The following SLCO3A1 variants were observed in gnomAD, a reference collection of about 807,000 sequenced individuals.
SLCO3A1 encodes the protein PGE1 transporter.
A neutral mutation model predicts 63.1 loss-of-function variants in SLCO3A1; 27 were observed. The observed-to-expected ratio is 0.43, with a 90% CI of 0.32 to 0.59. The LOEUF (loss-of-function observed/expected upper bound fraction) is 0.59, where lower values mean the gene tolerates loss of function less well. Among genes scored for constraint, SLCO3A1 ranks in the 20% least tolerant of loss-of-function variants. The probability of loss-of-function intolerance (pLI) is 0.09; values close to 1 mark genes in which losing one functional copy is unlikely to be tolerated. For missense variants in SLCO3A1, 773 were observed against 945.8 expected, an observed-to-expected ratio of 0.82 and a Z score of 2.40; for synonymous variants, 473 against 409.9, an observed-to-expected ratio of 1.15 and a Z score of -1.86.
intron 2 of SLCO3A1, among the ~76,000 whole-genome samples, chr15:91,951,403 T>C (rs935430273): frequency 6.6e-6 from 1 of 152,256 alleles, no homozygotes; most frequent in Non-Finnish European, 1.5e-5. Context: ...CATTCCTTTT[T>C]ATGGCTTAAT....
At chr15:91,935,649 G>A (rs1597136022) in intron 2 of SLCO3A1, among the ~76,000 whole-genome samples, 1 of 152,352 alleles carries the variant, frequency 6.6e-6, no homozygotes, top group African/African-American at 2.4e-5. Flanking sequence ...GGTAGACTCT[G>A]GAGTGGTGAG....
intron 9 of SLCO3A1, among the ~76,000 whole-genome samples, chr15:92,153,964 T>A (rs1334953843): frequency 6.6e-6 from 1 of 151,944 alleles, no homozygotes; most frequent in African/African-American, 2.4e-5. Context: ...CTTGGGAGGG[T>A]GAGGCAGAAG....
chr15:91,923,632 C>G (rs996197010), intron 2 of SLCO3A1, among the ~76,000 whole-genome samples: 3 of 152,062 alleles, frequency 2.0e-5, no homozygotes, highest in African/African-American at 7.2e-5. Context: ...TTTTAAATAA[C>G]GTATTCTTAT....
At chr15:91,908,276 A>T (rs1489618202) in intron 1 of SLCO3A1, among the ~76,000 whole-genome samples, 1 of 146,112 alleles carries the variant, frequency 6.8e-6, no homozygotes, top group Non-Finnish European at 1.5e-5. Flanking sequence ...TGTGTCTATG[A>T]GATTCTCCAT....
rs1336967798 is a variant in SLCO3A1 at position 92,164,350 on chromosome 15, G to A, written c.*1215G>A. 3.0e-6 allele frequency: 3 copies of A among 985,214 alleles called. No homozygotes were observed. In the African/African-American group the frequency reaches 5.2e-5, roughly 17 times the overall value. 61.0% of individuals were successfully genotyped at this position (985,214 alleles called of 1,614,324 possible). On this transcript the variant is annotated 3_prime_UTR_variant, in exon 10 of 10. Transcript: ENST00000318445. ...GCTTCAAAAAGAGAGTGTATATGCAGCCTGCCTTTAAAAGAATCACATTTG... is the reference window on the plus strand; with the variant it reads ...GCTTCAAAAAGAGAGTGTATATGCAACCTGCCTTTAAAAGAATCACATTTG...
chr15:91,876,394 A>T (rs992476419), intron 1 of SLCO3A1, among the ~76,000 whole-genome samples: 1 of 152,238 alleles, frequency 6.6e-6, no homozygotes, highest in African/African-American at 2.4e-5. Flanking sequence ...AAGGGCACCA[A>T]CGCAGACTGC....
At chr15:92,157,935 G>C (rs1345597681) in intron 9 of SLCO3A1, among the ~76,000 whole-genome samples, 1 of 152,126 alleles carries the variant, frequency 6.6e-6, no homozygotes, top group Non-Finnish European at 1.5e-5. Flanking sequence ...GTTCCCAAGT[G>C]GCGGAATTAG....
intron 1 of SLCO3A1, among the ~76,000 whole-genome samples, chr15:91,876,293 A>G (rs1296142198): frequency 6.6e-6 from 1 of 152,258 alleles, no homozygotes; most frequent in Non-Finnish European, 1.5e-5. Context: ...TCAGGTACAC[A>G]TAGCGGATGC....
Position 91,942,271 on chromosome 15 carries a change from G to A in SLCO3A1, c.646+25813G>A, listed in dbSNP as rs1899647670. On this transcript the variant is annotated intron_variant, in intron 2 of 9. Coordinates refer to ENST00000318445, the MANE Select transcript of SLCO3A1 (RefSeq NM_013272.4). This position sits in a 1 kb window ranked among gnomAD's most constrained non-coding sequence, Gnocchi z 4.1. ...TGTAGCAACTGCTGAACCCCACAAT[G>A]TCTGATCTATAGCAGGCATTTCAGA... Among the ~76,000 whole-genome samples, 1 of 152,166 alleles carries A rather than the reference G, an allele frequency of 6.6e-6. No homozygotes were observed. Among genetic ancestry groups the A allele is most frequent in the Non-Finnish European group, 1.5e-5 (1 of 68,038 alleles).
intron 1 of SLCO3A1, among the ~76,000 whole-genome samples, chr15:91,869,274 G>A (rs1897238218): frequency 6.6e-6 from 1 of 152,128 alleles, no homozygotes; most frequent in Non-Finnish European, 1.5e-5. Context: ...GGTGGCTTAT[G>A]TCTGTAATCC....
intron 2 of SLCO3A1, among the ~76,000 whole-genome samples, chr15:91,979,662 G>C (rs2045958914): frequency 6.6e-6 from 1 of 152,190 alleles, no homozygotes; most frequent in African/African-American, 2.4e-5. Flanking sequence ...CTAGCTATGT[G>C]ACCTTGAGCA....
intron 2 of SLCO3A1, among the ~76,000 whole-genome samples, chr15:91,961,714 C>G (rs1390836257): frequency 6.6e-6 from 1 of 152,232 alleles, no homozygotes; most frequent in Non-Finnish European, 1.5e-5. Flanking sequence ...GCCACCTTTA[C>G]TCTTAGTCGC....
At chr15:91,927,181 C>A (rs1180707928) in intron 2 of SLCO3A1, among the ~76,000 whole-genome samples, 2 of 152,102 alleles carry the variant, frequency 1.3e-5, no homozygotes, top group Non-Finnish European at 2.9e-5. Context: ...CCCGAAAATT[C>A]CTTTGGGGCT....
intron 2 of SLCO3A1, among the ~76,000 whole-genome samples, chr15:92,007,735 T>C (rs12439818): frequency 0.2 from 30,722 of 152,140 alleles, 3,610 homozygotes; most frequent in East Asian, 0.42. Context: ...TTCTTTTTCC[T>C]GTTCTGTAAG....
At chr15:91,920,752 C>T (rs150767620) in intron 2 of SLCO3A1, among the ~76,000 whole-genome samples, 2 of 152,266 alleles carry the variant, frequency 1.3e-5, no homozygotes, top group South Asian at 2.1e-4. Context: ...ACTTCCCATA[C>T]CCTGGGTTCT....
At chr15:92,151,231 C>A in intron 9 of SLCO3A1, 1 of 476,354 alleles carries the variant, frequency 2.1e-6, no homozygotes, top group Non-Finnish European at 3.7e-6. Context: ...CAACTCTTAT[C>A]TTCACGCCAC....
At chr15:92,091,163 T>G (rs1460201096) in intron 2 of SLCO3A1, among the ~76,000 whole-genome samples, 1 of 152,168 alleles carries the variant, frequency 6.6e-6, no homozygotes, top group Non-Finnish European at 1.5e-5. Context: ...CCCAGTAAAC[T>G]TCCCCCTGGG....
chr15:92,085,497 C>G (rs2047394164), intron 2 of SLCO3A1, among the ~76,000 whole-genome samples: 1 of 152,194 alleles, frequency 6.6e-6, no homozygotes, highest in Non-Finnish European at 1.5e-5. Flanking sequence ...TGGTAGCACC[C>G]AACCCATTGC....
intron 3 of SLCO3A1, chr15:92,097,953 C>T (rs2047559998): frequency 6.6e-6 from 1 of 152,222 alleles, no homozygotes; most frequent in African/African-American, 2.4e-5. Flanking sequence ...TTTCCTAAAA[C>T]AGTGCTCTTC....
Sources: allele counts gnomAD v4.1 joint callset (sites outside exome capture counted in the v4.1 genomes callset), GRCh38; gene constraint gnomAD v4.1.1; non-coding constraint Gnocchi (gnomAD v3.1); transcripts MANE v1.5; gene names NCBI Gene and HGNC (gene_info 2026-07-23, HGNC 2026-07-21).